The following SORCS3 variants were observed in gnomAD, a reference collection of about 807,000 sequenced individuals.
The protein encoded by SORCS3 is VPS10 domain-containing receptor SorCS3.
A neutral mutation model predicts 146.3 loss-of-function variants in SORCS3; 57 were observed. The observed-to-expected ratio is 0.39, with a 90% CI of 0.31 to 0.49. SORCS3 has a LOEUF of 0.49. SORCS3 is among the 20% of genes least tolerant of loss of function. The probability of loss-of-function intolerance (pLI) is 0.92; values close to 1 mark genes in which losing one functional copy is unlikely to be tolerated. For synonymous variants in SORCS3, 653 were observed against 618.5 expected, an observed-to-expected ratio of 1.06 and a Z score of -0.83; for missense variants, 1,341 against 1,575.5, an observed-to-expected ratio of 0.85 and a Z score of 2.52.
intron 1 of SORCS3, among the ~76,000 whole-genome samples, chr10:104,833,266 T>G (rs1169818395): frequency 2.0e-5 from 3 of 152,222 alleles, no homozygotes; most frequent in Non-Finnish European, 4.4e-5. Flanking sequence ...AGAAATTGCC[T>G]TCTCTGAGAT....
chr10:104,923,374 A>G (rs569277782), intron 3 of SORCS3, among the ~76,000 whole-genome samples: 14 of 152,250 alleles, frequency 9.2e-5, no homozygotes, highest in Non-Finnish European at 1.8e-4. Flanking sequence ...TCTTAGTTAT[A>G]TGACTACATG....
intron 12 of SORCS3, 111 bp from the exon 13 acceptor site, chr10:105,167,147 G>T: frequency 1.3e-6 from 1 of 785,510 alleles, no homozygotes; most frequent in Non-Finnish European, 2.0e-6. Context: ...TAGTGCTGTT[G>T]GAAGGCTCAG....
At chr10:104,982,469 T>TG (rs2054936583) in intron 4 of SORCS3, among the ~76,000 whole-genome samples, 1 of 152,204 alleles carries the variant, frequency 6.6e-6, no homozygotes, top group South Asian at 2.1e-4. Flanking sequence ...CCTCACCTGG[T>TG]GGAGATAAAG....
chr10:104,674,642 C>G (rs1210981390), intron 1 of SORCS3, among the ~76,000 whole-genome samples: 1 of 152,226 alleles, frequency 6.6e-6, no homozygotes, highest in African/African-American at 2.4e-5. Context: ...TAAGATGTAC[C>G]TGCATTCCTG....
Position 105,097,544 on chromosome 10 carries a change from G to A in SORCS3, c.1093+7705G>A, listed in dbSNP as rs12261461. 4.3e-3 allele frequency among the ~76,000 whole-genome samples: 651 copies of A among 152,288 alleles called. 5 individuals carry two copies. The highest frequency in any genetic ancestry group is 0.014 in the African/African-American group (586 of 41,548). On this transcript the variant is annotated intron_variant, in intron 6 of 26. Transcript: ENST00000369701. ...GTATTAACTCGATGACATAAAAGTT[G>A]GAGAACTAACTGTCATTTAGACCTT...
At chr10:105,080,400 G>GTT (rs200333877) in intron 5 of SORCS3, among the ~76,000 whole-genome samples, 1 of 150,714 alleles carries the variant, frequency 6.6e-6, no homozygotes, top group African/African-American at 2.4e-5. Context: ...ACTTTTTAAT[G>GTT]TTTTTTTTTC....
chr10:105,097,768 T>TGACC (rs1449090645), intron 6 of SORCS3, among the ~76,000 whole-genome samples: 4 of 152,200 alleles, frequency 2.6e-5, no homozygotes, highest in Admixed American at 2.6e-4. Context: ...TACCCAAAGA[T>TGACC]GACCTGACCT....
intron 1 of SORCS3, among the ~76,000 whole-genome samples, chr10:104,712,163 C>T (rs1008446114): frequency 6.6e-6 from 1 of 152,094 alleles, no homozygotes; most frequent in Non-Finnish European, 1.5e-5. Flanking sequence ...TATGCATCAT[C>T]TCCTTGAATC....
At chr10:105,009,539 A>G (rs74404056) in intron 4 of SORCS3, among the ~76,000 whole-genome samples, 3 of 151,090 alleles carry the variant, frequency 2.0e-5, no homozygotes, top group Non-Finnish European at 4.4e-5. Flanking sequence ...AAAAAAAAAA[A>G]AAAAAAAAAA....
chr10:105,055,304 C>T (rs2055438964), intron 5 of SORCS3, among the ~76,000 whole-genome samples: 1 of 152,178 alleles, frequency 6.6e-6, no homozygotes, highest in Admixed American at 6.5e-5. Flanking sequence ...AGTCGATACC[C>T]TTAAATTCTT....
At chr10:105,200,880 A>G (rs2056570474) in intron 15 of SORCS3, among the ~76,000 whole-genome samples, 1 of 152,154 alleles carries the variant, frequency 6.6e-6, no homozygotes. Context: ...GATGATGTAG[A>G]CATCACTGGC....
chr10:104,784,652 T>C (rs557971219), intron 1 of SORCS3, among the ~76,000 whole-genome samples: 1 of 152,182 alleles, frequency 6.6e-6, no homozygotes, highest in Non-Finnish European at 1.5e-5. Flanking sequence ...GGATGTGGGC[T>C]GGGATGAAAG....
intron 5 of SORCS3, among the ~76,000 whole-genome samples, chr10:105,062,460 T>C (rs1287528271): frequency 1.3e-5 from 2 of 152,204 alleles, no homozygotes; most frequent in Non-Finnish European, 2.9e-5. Context: ...GTGGGAGAAC[T>C]GTTCTTTCTG....
intron 4 of SORCS3, among the ~76,000 whole-genome samples, chr10:105,015,437 G>T (rs2055159348): frequency 6.6e-6 from 1 of 152,096 alleles, no homozygotes; most frequent in African/African-American, 2.4e-5. Context: ...GAAAATTGAT[G>T]AACTAAGTCT....
chr10:104,904,523 C>A (rs1206487874), intron 2 of SORCS3, among the ~76,000 whole-genome samples: 1 of 152,070 alleles, frequency 6.6e-6, no homozygotes, highest in African/African-American at 2.4e-5. Context: ...TGGCTAGAAA[C>A]TGACCAACTG....
chr10:105,116,927 A>G (rs191519844), intron 7 of SORCS3, among the ~76,000 whole-genome samples: 1 of 152,268 alleles, frequency 6.6e-6, no homozygotes, highest in Non-Finnish European at 1.5e-5. Context: ...AAAACTATCT[A>G]TTAGGTACTA....
chr10:105,109,248 C>T (rs2055843111), intron 7 of SORCS3, among the ~76,000 whole-genome samples: 1 of 152,126 alleles, frequency 6.6e-6, no homozygotes, highest in South Asian at 2.1e-4. Context: ...GTTTGTCTTA[C>T]TGCCTTAAAA....
chr10:105,005,280 G>T (rs1291602645), intron 4 of SORCS3, among the ~76,000 whole-genome samples: 4 of 152,192 alleles, frequency 2.6e-5, no homozygotes, highest in Non-Finnish European at 5.9e-5. Flanking sequence ...CAACAGGTTG[G>T]TTAAAAGTGG....
In SORCS3 at chr10:104,723,473, G is replaced by C. The variant is rs2016577824; in HGVS notation, c.627+81519G>C. Among the ~76,000 whole-genome samples, 4 of 152,186 alleles carry C rather than the reference G, an allele frequency of 2.6e-5. No individual in the cohort carries two copies. In the South Asian group the frequency reaches 8.3e-4, roughly 32 times the overall value. ...ATATTCTTTTGATTTGGGGTGGAGA[G>C]TGCTGTAGATGTCTATTAGGTCTGC... On this transcript the variant is annotated intron_variant, in intron 1 of 26. Transcript: ENST00000369701.
Sources: allele counts gnomAD v4.1 joint callset (sites outside exome capture counted in the v4.1 genomes callset), GRCh38; gene constraint gnomAD v4.1.1; transcripts MANE v1.5; gene names NCBI Gene and HGNC (gene_info 2026-07-23, HGNC 2026-07-21).